The following PREP variants were observed in gnomAD, a reference collection of about 807,000 sequenced individuals.
The protein encoded by PREP is dJ355L5.1 (prolyl endopeptidase).
Under a neutral mutation model 87.6 loss-of-function variants are expected in PREP, and 29 were observed. The observed-to-expected ratio is 0.33, with a 90% CI of 0.25 to 0.45. The LOEUF (loss-of-function observed/expected upper bound fraction) is 0.45. PREP is among the 20% of genes least tolerant of loss of function. The pLI, the probability that PREP is intolerant of heterozygous loss-of-function variation, is 1.00. For synonymous variants in PREP, 337 were observed against 328.6 expected (o/e 1.03, Z -0.28); for missense variants, 695 against 886.5 (o/e 0.78, Z 2.74).
intron 2 of PREP, among the ~76,000 whole-genome samples, chr6:105,383,754 G>A (rs904340608): frequency 2.0e-5 from 3 of 152,026 alleles, no homozygotes; most frequent in Non-Finnish European, 4.4e-5. Context: ...CCGTCACTCC[G>A]ACCTGATATT....
chr6:105,316,173 T>C (rs1770863771), intron 10 of PREP, among the ~76,000 whole-genome samples: 1 of 152,232 alleles, frequency 6.6e-6, no homozygotes, highest in Non-Finnish European at 1.5e-5. Context: ...CATAATAATT[T>C]CTAGCTTTTG....
rs148039771 is a variant in PREP, at chr6:105,281,492, T to C, written c.1838+254A>G. The C allele has an allele frequency of 2.4e-5, 9 of 377,654 alleles. No individual in the cohort carries two copies. In the East Asian group the frequency reaches 4.4e-4, roughly 19 times the overall value. The allele number at this position is 377,654 out of a possible 1,614,324, so 23.4% of individuals were successfully genotyped here. On this transcript the variant is annotated intron_variant, in intron 14 of 14. Coordinates refer to ENST00000652536, the MANE Select transcript of PREP (RefSeq NM_002726.5). ...CAGCAAGCAGTATCTAGGTAAGTGT[T>C]TGAATAACCAGGGTAGGAATCTTGG...
chr6:105,397,299 C>T (rs2114737567), intron 2 of PREP, among the ~76,000 whole-genome samples: 1 of 151,948 alleles, frequency 6.6e-6, no homozygotes, highest in East Asian at 1.9e-4. Flanking sequence ...TGGACTTCAG[C>T]AGGATCCTTG....
chr6:105,320,217 T>C (rs568875136), intron 10 of PREP, among the ~76,000 whole-genome samples: 2 of 152,366 alleles, frequency 1.3e-5, no homozygotes, highest in South Asian at 2.1e-4. Context: ...GATGAATCAA[T>C]TGCAGATTTG....
chr6:105,371,372 C>T (rs897365392), intron 5 of PREP, among the ~76,000 whole-genome samples: 6 of 151,452 alleles, frequency 4.0e-5, no homozygotes, highest in East Asian at 1.9e-4. Context: ...CTAGGCATGG[C>T]GCTAACTAGT....
At chr6:105,302,018 T>G (rs1770547320) in intron 10 of PREP, among the ~76,000 whole-genome samples, 1 of 152,206 alleles carries the variant, frequency 6.6e-6, no homozygotes, top group South Asian at 2.1e-4. Flanking sequence ...AGTAACCTGG[T>G]GTTTTGAGGT....
In PREP at chr6:105,376,158, T is replaced by C. The variant is rs746428593; in HGVS notation, c.352A>G (p.Ile118Val). 7 of 1,613,772 alleles carry C rather than the reference T, an allele frequency of 4.3e-6. No individual in the cohort carries two copies. In the African/African-American group the frequency reaches 5.3e-5, roughly 12 times the overall value. Residue 118 changes from isoleucine to valine, a missense_variant, in exon 4 of 15, where the codon ATA becomes GTA. Physicochemically the swap from Ile to Val is conservative, Grantham distance 29. This residue lies in a region of PREP where 517 missense variants were observed against 620.3 expected (regional missense o/e 0.83). Transcript: ENST00000652536. ...GEARVFLDPNILSDDGTVALR... is the reference protein window; with the variant it reads ...GEARVFLDPNVLSDDGTVALR... ...GCCACTGTGCCATCGTCAGACAGTATGTTGGGGTCCAGGAACACTCTGGCC... is the reference window on the plus strand; with the variant it reads ...GCCACTGTGCCATCGTCAGACAGTACGTTGGGGTCCAGGAACACTCTGGCC...
intron 2 of PREP, among the ~76,000 whole-genome samples, chr6:105,382,365 A>G (rs1250517308): frequency 6.6e-6 from 1 of 152,066 alleles, no homozygotes; most frequent in East Asian, 1.9e-4. Flanking sequence ...TAGCCATTTC[A>G]CAATTTCTAC....
At chr6:105,282,258 C>T (rs909768282) in intron 13 of PREP, among the ~76,000 whole-genome samples, 193 bp downstream of exon 13, 2 of 152,230 alleles carry the variant, frequency 1.3e-5, no homozygotes, top group Admixed American at 6.5e-5. Flanking sequence ...CTGCCCAAGG[C>T]AAAATAAATA....
rs532927644 is a variant in PREP, at chr6:105,328,026, T to A, written c.1213+803A>T. ...GTACCATGAAATGTAAAACCACAACTTAACAAGTGTTTCCCTTTCCTACTA... is the reference window on the plus strand; with the variant it reads ...GTACCATGAAATGTAAAACCACAACATAACAAGTGTTTCCCTTTCCTACTA... On this transcript the variant is annotated intron_variant, in intron 9 of 14. Coordinates refer to ENST00000652536, the MANE Select transcript of PREP (RefSeq NM_002726.5). Among the ~76,000 whole-genome samples, 3 of 152,334 alleles carry A rather than the reference T, an allele frequency of 2.0e-5. No homozygotes were observed. The East Asian group carries it at 5.8e-4, about 29-fold the overall frequency.
rs1183450837 is a variant in PREP, at chr6:105,333,438, C to T, written c.891G>A (p.Gly297=). ...GATTCGTCTTGAATGTGAACACCGT[C>T]CCCTCATTGGTCACGTAGTCATATT... The part of the protein sequence containing the change: ...EGEYDYVTNE[G]TVFTFKTNRQ... Residue 297 remains glycine, a synonymous_variant, in exon 8 of 15, where the codon GGG becomes GGA. Transcript: ENST00000652536. The T allele has an allele frequency of 6.2e-7, 1 of 1,614,176 alleles. No individual in the cohort carries two copies. Among genetic ancestry groups the T allele is most frequent in the South Asian group, 1.1e-5 (1 of 91,078 alleles).
intron 2 of PREP, among the ~76,000 whole-genome samples, chr6:105,381,552 G>A (rs536347265): frequency 2.0e-5 from 3 of 152,294 alleles, no homozygotes; most frequent in South Asian, 2.1e-4. Context: ...TTCAGTACCC[G>A]CAGTCTCATT....
intron 10 of PREP, among the ~76,000 whole-genome samples, chr6:105,310,402 C>T (rs1770735755): frequency 6.6e-6 from 1 of 152,124 alleles, no homozygotes; most frequent in Admixed American, 6.6e-5. Flanking sequence ...TCCTGATACA[C>T]CCTGTTCAGC....
At chr6:105,288,649 G>A in intron 11 of PREP, 109 bp downstream of exon 11, 6 of 1,382,644 alleles carry the variant, frequency 4.3e-6, no homozygotes, top group South Asian at 1.4e-5. Context: ...GAACCCCCAC[G>A]CCTGGCCAGT....
rs1770088217 is a variant in PREP, at chr6:105,281,815, G to T, written c.1769C>A (p.Thr590Asn). 1 of 1,614,146 alleles carries T rather than the reference G, an allele frequency of 6.2e-7. No homozygotes were observed. The highest frequency in any genetic ancestry group is 8.5e-7 in the Non-Finnish European group (1 of 1,180,026). Residue 590 changes from threonine to asparagine, a missense_variant, in exon 14 of 15, where the codon ACC becomes AAC. Coordinates refer to ENST00000652536, the MANE Select transcript of PREP (RefSeq NM_002726.5). ...ATCAGTGGTCCAAGCATGGCCGATG[G>T]TATATTTATGAAACTTCAGCATGTC... is the stretch of plus-strand genomic sequence containing the variant. ...VMDMLKFHKY[T>N]IGHAWTTDYG...
chr6:105,286,166 G>C (rs1035243277), intron 11 of PREP, among the ~76,000 whole-genome samples: 1 of 152,160 alleles, frequency 6.6e-6, no homozygotes, highest in African/African-American at 2.4e-5. Flanking sequence ...AACAAACAGA[G>C]AAAAAACAAA....
At chr6:105,282,623 A>G in intron 12 of PREP, 41 bp from the exon 13 acceptor site, 1 of 1,598,728 alleles carries the variant, frequency 6.3e-7, no homozygotes, top group Non-Finnish European at 8.5e-7. Flanking sequence ...TTAACAAAAC[A>G]TAAAAATAAG....
At position 105,273,955 on chromosome 6, in the gene PREP, C is replaced by A. The variant is rs557273081; in HGVS notation, c.*4189G>T. On this transcript the variant is annotated 3_prime_UTR_variant, in exon 15 of 15. Coordinates refer to ENST00000652536, the MANE Select transcript of PREP (RefSeq NM_002726.5). ...TCCGAATGTTGCTTCCTGAAAGAGG[C>A]ACCCTGACCTCGACTCAAATAGCAT... 6.6e-6 allele frequency among the ~76,000 whole-genome samples: 1 copy of A among 152,360 alleles called. No individual in the cohort carries two copies. Among genetic ancestry groups the A allele is most frequent in the East Asian group, 1.9e-4 (1 of 5,186 alleles).
intron 6 of PREP, among the ~76,000 whole-genome samples, chr6:105,359,639 T>C (rs1281499226): frequency 6.6e-6 from 1 of 152,150 alleles, no homozygotes; most frequent in East Asian, 1.9e-4. Context: ...CTGATGGGTG[T>C]TGGGAGCAGA....
Sources: allele counts gnomAD v4.1 joint callset (sites outside exome capture counted in the v4.1 genomes callset), GRCh38; gene constraint gnomAD v4.1.1; regional missense constraint gnomAD v4.1.1; transcripts MANE v1.5; gene names NCBI Gene and HGNC (gene_info 2026-07-23, HGNC 2026-07-21).